Variants in KAZN observed in about 807,000 individuals in gnomAD.
The protein encoded by KAZN is kazrin, periplakin interacting protein.
In KAZN, 40 loss-of-function variants were observed where a neutral mutation model predicts 87.4. The ratio of observed to expected loss-of-function variants is 0.46; its 90% CI spans 0.36 to 0.60. The LOEUF is 0.60. KAZN is among the 20% of genes least tolerant of loss of function. KAZN has a pLI of 0.00. For missense variants in KAZN, 898 were observed against 1,073.9 expected (o/e 0.84, Z 2.29); for synonymous variants, 466 against 458.3 (o/e 1.02, Z -0.22).
chr1:14,357,475 G>A (rs1391975071), intron 2 of KAZN, among the ~76,000 whole-genome samples: 2 of 152,188 alleles, frequency 1.3e-5, no homozygotes, highest in East Asian at 3.8e-4. Context: ...TAAAAGTGGT[G>A]AGAGACGGCA....
intron 1 of KAZN, among the ~76,000 whole-genome samples, chr1:14,801,527 C>T (rs1044674648): frequency 6.6e-6 from 1 of 152,042 alleles, no homozygotes; most frequent in Non-Finnish European, 1.5e-5. Context: ...TACACCTCCC[C>T]GGGAAGGAGC....
At chr1:15,067,483 A>G (rs1050575121) in intron 8 of KAZN, 160 of 985,408 alleles carry the variant, frequency 1.6e-4, no homozygotes, top group Non-Finnish European at 1.8e-4. Context: ...CCTAAAACTC[A>G]ATTTCCTTAT....
At chr1:14,065,678 C>T (rs960884908) in intron 1 of KAZN, among the ~76,000 whole-genome samples, 4 of 152,082 alleles carry the variant, frequency 2.6e-5, no homozygotes, top group Admixed American at 1.3e-4. Context: ...CTAATCCACA[C>T]GCCTCTGAAC....
chr1:14,180,997 C>T (rs773156216), intron 2 of KAZN, among the ~76,000 whole-genome samples: 5 of 152,298 alleles, frequency 3.3e-5, no homozygotes, highest in Non-Finnish European at 7.4e-5. Flanking sequence ...TCCTCCCGCC[C>T]CGCCCCAGTA....
At position 14,514,526 on chromosome 1, in the gene KAZN, T is replaced by C. The variant is rs374215823; in HGVS notation, c.250-84457T>C. Reference sequence around the variant, plus strand: ...AATATATAATATATGAAATATATATTTTAGATATATTTTATATATAATATA... The same window carrying C: ...AATATATAATATATGAAATATATATCTTAGATATATTTTATATATAATATA... On this transcript the variant is annotated intron_variant, in intron 2 of 16. Coordinates refer to the KAZN transcript ENST00000636203. Among the ~76,000 whole-genome samples the C allele has an allele frequency of 1.9e-3, 175 of 91,582 alleles. 3 individuals are homozygous for C. Among genetic ancestry groups the C allele is most frequent in the Middle Eastern group, 5.0e-3 (1 of 200 alleles). The allele number at this position is 91,582 out of a possible 152,430, so 60.1% of individuals were successfully genotyped here.
chr1:14,867,817 T>C (rs147268762), intron 1 of KAZN, among the ~76,000 whole-genome samples: 27 of 145,998 alleles, frequency 1.8e-4, no homozygotes, highest in Non-Finnish European at 3.0e-4. Flanking sequence ...TGTCCCTGGC[T>C]ATGTCCTCAG....
chr1:14,965,225 G>A (rs1310269108), intron 2 of KAZN, among the ~76,000 whole-genome samples: 1 of 152,002 alleles, frequency 6.6e-6, no homozygotes, highest in Non-Finnish European at 1.5e-5. Context: ...TTGCCATGTT[G>A]CTCAGGCTGG....
At chr1:14,729,506 C>G (rs1401410451) in intron 1 of KAZN, among the ~76,000 whole-genome samples, 1 of 152,178 alleles carries the variant, frequency 6.6e-6, no homozygotes, top group African/African-American at 2.4e-5. Context: ...AGAGTAATGC[C>G]CTTCGCTGTC....
At chr1:14,269,311 G>A (rs902656442) in intron 2 of KAZN, among the ~76,000 whole-genome samples, 1 of 147,610 alleles carries the variant, frequency 6.8e-6, no homozygotes, top group Admixed American at 6.8e-5. Context: ...CTCCTTTGGG[G>A]GTTGATAATG....
intron 1 of KAZN, among the ~76,000 whole-genome samples, chr1:14,862,201 A>T (rs1365085375): frequency 6.6e-6 from 1 of 152,228 alleles, no homozygotes; most frequent in African/African-American, 2.4e-5. Context: ...AATCATAATT[A>T]AAACACCACT....
intron 1 of KAZN, among the ~76,000 whole-genome samples, chr1:14,897,901 C>G (rs1168858135): frequency 6.6e-6 from 1 of 152,220 alleles, no homozygotes; most frequent in Non-Finnish European, 1.5e-5. Context: ...CACTCAGGAG[C>G]TGTCTGGGAT....
chr1:14,834,356 CTTTT>C (rs34228625), intron 1 of KAZN, among the ~76,000 whole-genome samples: 1,458 of 88,600 alleles, frequency 0.016, 16 homozygotes, highest in Middle Eastern at 0.048. Context: ...AAGTCACTTC[CTTTT>C]TTTTTTTTTT....
intron 2 of KAZN, among the ~76,000 whole-genome samples, chr1:14,255,670 C>T (rs554597715): frequency 6.6e-6 from 1 of 152,354 alleles, no homozygotes; most frequent in South Asian, 2.1e-4. Context: ...CCACAATGGT[C>T]ATGGGTGCAG....
intron 2 of KAZN, among the ~76,000 whole-genome samples, chr1:14,227,144 A>G (rs1373480709): frequency 1.3e-5 from 2 of 152,174 alleles, no homozygotes; most frequent in African/African-American, 4.8e-5. Flanking sequence ...CTTTGTGAGT[A>G]TGACAACCTC....
intron 2 of KAZN, among the ~76,000 whole-genome samples, chr1:14,376,438 T>G (rs1319039790): frequency 1.3e-5 from 2 of 152,152 alleles, no homozygotes; most frequent in Non-Finnish European, 2.9e-5. Context: ...AGTGGGTTCC[T>G]GATAAAAAGG....
chr1:14,819,466 G>A (rs1646671462), intron 1 of KAZN, among the ~76,000 whole-genome samples: 1 of 152,058 alleles, frequency 6.6e-6, no homozygotes, highest in Non-Finnish European at 1.5e-5. Flanking sequence ...TTATGGGTGG[G>A]CCTCCTCCAA....
intron 2 of KAZN, among the ~76,000 whole-genome samples, chr1:14,388,401 T>G (rs1452282872): frequency 6.6e-6 from 1 of 152,176 alleles, no homozygotes; most frequent in Non-Finnish European, 1.5e-5. Context: ...TAGCCAAGGC[T>G]ATCCTAAACA....
chr1:13,993,302 T>C (rs7548432), intron 1 of KAZN, among the ~76,000 whole-genome samples: 100 of 152,076 alleles, frequency 6.6e-4, no homozygotes, highest in African/African-American at 2.3e-3. Context: ...TATTAATGAC[T>C]GTAAGTCCTA....
At chr1:14,397,070 C>T (rs757061166) in intron 2 of KAZN, among the ~76,000 whole-genome samples, 1 of 152,162 alleles carries the variant, frequency 6.6e-6, no homozygotes, top group African/African-American at 2.4e-5. Context: ...GTCAATGTAT[C>T]TTTGTAAGAC....
Sources: allele counts gnomAD v4.1 joint callset (sites outside exome capture counted in the v4.1 genomes callset), GRCh38; gene constraint gnomAD v4.1.1; transcripts MANE v1.5; gene names NCBI Gene and HGNC (gene_info 2026-07-23, HGNC 2026-07-21).